Variants in CYYR1 observed in about 807,000 individuals in gnomAD.
CYYR1 encodes cysteine and tyrosine rich 1, also known as cysteine and tyrosine-rich protein 1.
A neutral mutation model predicts 15.2 loss-of-function variants in CYYR1; 14 were observed. The ratio of observed to expected loss-of-function variants is 0.92; its 90% confidence interval spans 0.61 to 1.44. The LOEUF (loss-of-function observed/expected upper bound fraction) is 1.44, where lower values mean the gene tolerates loss of function less well. Among genes scored for constraint, CYYR1 ranks in the 40% most tolerant of loss-of-function variants. The pLI is 0.00. For synonymous variants in CYYR1, 80 were observed against 77.4 expected, an observed-to-expected ratio of 1.03 and a Z score of -0.18; for missense variants, 228 against 209.5, an observed-to-expected ratio of 1.09 and a Z score of -0.54.
At chr21:26,555,191 C>A (rs1434092138) in intron 2 of CYYR1, among the ~76,000 whole-genome samples, 1 of 152,114 alleles carries the variant, frequency 6.6e-6, no homozygotes, top group Non-Finnish European at 1.5e-5. Context: ...TTCTACTTGG[C>A]AAAAGCCAAG....
At chr21:26,536,431 T>C (rs563656219) in intron 2 of CYYR1, among the ~76,000 whole-genome samples, 8 of 152,262 alleles carry the variant, frequency 5.3e-5, no homozygotes, top group East Asian at 1.9e-4. Flanking sequence ...GGAGGTGATG[T>C]CAAATTATAA....
In CYYR1 at chr21:26,549,755, T is replaced by C. The variant is rs1169032850; in HGVS notation, c.176+16511A>G. Among the ~76,000 whole-genome samples the C allele has an allele frequency of 3.9e-5, 6 of 152,262 alleles. No homozygotes were observed. The East Asian group carries it at 1.2e-3, about 29-fold the overall frequency. Reference sequence around the variant, plus strand: ...GTCAAGCTTTTGAATGATTTAGAATTACAGTAAAGTCAATCTAAGCTTCCA... The same window carrying C: ...GTCAAGCTTTTGAATGATTTAGAATCACAGTAAAGTCAATCTAAGCTTCCA... On this transcript the variant is annotated intron_variant, in intron 2 of 3. Transcript: ENST00000652641.
At chr21:26,554,124 A>C (rs528227400) in intron 2 of CYYR1, among the ~76,000 whole-genome samples, 30 of 152,288 alleles carry the variant, frequency 2.0e-4, no homozygotes, top group African/African-American at 7.2e-4. Flanking sequence ...CAATTTTTTA[A>C]AGAGCTTAAT....
intron 2 of CYYR1, among the ~76,000 whole-genome samples, chr21:26,505,757 C>T (rs1481090591): frequency 1.3e-5 from 2 of 152,124 alleles, no homozygotes; most frequent in African/African-American, 2.4e-5. Flanking sequence ...GTTTACATAA[C>T]ACCATACAAA....
chr21:26,526,491 A>G (rs1329704007), intron 2 of CYYR1, among the ~76,000 whole-genome samples: 2 of 152,182 alleles, frequency 1.3e-5, no homozygotes, highest in African/African-American at 2.4e-5. Flanking sequence ...AAAATTAACC[A>G]TTTTACAAAA....
At chr21:26,496,491 C>T (rs529745796) in intron 2 of CYYR1, among the ~76,000 whole-genome samples, 1 of 152,178 alleles carries the variant, frequency 6.6e-6, no homozygotes, top group South Asian at 2.1e-4. Flanking sequence ...CTACAAAATG[C>T]ATTTAAAATA....
rs1981112980 is a variant in CYYR1 at position 26,573,023 on chromosome 21, G to A, written c.-83C>T. On this transcript the variant is annotated 5_prime_UTR_variant, in exon 1 of 4. Coordinates refer to ENST00000652641, the MANE Select transcript of CYYR1 (RefSeq NM_001320768.2). ...GGAGGATGGAGGGCGATCAGATGGA[G>A]AGAGCAGCGCTCCTGAGAGCCGGGT... 1 of 1,608,676 alleles carries A rather than the reference G, an allele frequency of 6.2e-7. No individual in the cohort carries two copies. The highest frequency in any genetic ancestry group is 8.5e-7 in the Non-Finnish European group (1 of 1,177,684).
Position 26,543,837 on chromosome 21 carries a change from C to T in CYYR1, c.176+22429G>A, listed in dbSNP as rs982532636. ...AGGAGAATTGCTTGAACCCGGGAGG[C>T]GGAGTTTGCAGTGAACCGAAATCAC... On this transcript the variant is annotated intron_variant, in intron 2 of 3. Coordinates refer to ENST00000652641, the MANE Select transcript of CYYR1 (RefSeq NM_001320768.2). 3.3e-5 allele frequency among the ~76,000 whole-genome samples: 5 copies of T among 152,118 alleles called. No homozygotes were observed. In the East Asian group the frequency reaches 7.7e-4, roughly 24 times the overall value.
At chr21:26,555,034 A>G (rs1979669718) in intron 2 of CYYR1, among the ~76,000 whole-genome samples, 1 of 152,172 alleles carries the variant, frequency 6.6e-6, no homozygotes, top group Admixed American at 6.6e-5. Flanking sequence ...ACATGAACAA[A>G]CTGAGGCTCG....
chr21:26,469,989 G>T (rs924836998), intron 3 of CYYR1, among the ~76,000 whole-genome samples: 2 of 152,078 alleles, frequency 1.3e-5, no homozygotes, highest in Non-Finnish European at 2.9e-5. Context: ...CTGATGAACT[G>T]CCAGTAGCTG....
chr21:26,466,860 A>T lies in CYYR1; in HGVS notation c.*1641T>A, dbSNP rs2064974114. The T allele has an allele frequency of 6.6e-6, 1 of 152,216 alleles. No homozygotes were observed. The highest frequency in any genetic ancestry group is 1.5e-5 in the Non-Finnish European group (1 of 68,032). 9.4% of individuals were successfully genotyped at this position (152,216 alleles called of 1,614,324 possible). ...TTGCATCCTCATATATAAGAAAATC[A>T]TCAGTGCTTAAAGATCAAGGAACTC... On this transcript the variant is annotated 3_prime_UTR_variant, in exon 4 of 4. Transcript: ENST00000652641.
chr21:26,505,978 T>C (rs781351192), intron 2 of CYYR1, among the ~76,000 whole-genome samples: 24 of 152,172 alleles, frequency 1.6e-4, no homozygotes, highest in East Asian at 7.7e-4. Flanking sequence ...CAGTACAATA[T>C]ATACATATTA....
intron 2 of CYYR1, among the ~76,000 whole-genome samples, chr21:26,524,439 GA>G (rs377250362): frequency 3.8e-4 from 58 of 152,196 alleles, no homozygotes; most frequent in African/African-American, 1.4e-3. Flanking sequence ...TGGAAAGCAG[GA>G]AAATATATTT....
chr21:26,546,116 C>T (rs1300761700), intron 2 of CYYR1, among the ~76,000 whole-genome samples: 1 of 152,120 alleles, frequency 6.6e-6, no homozygotes, highest in Non-Finnish European at 1.5e-5. Context: ...CATAGTATGT[C>T]CTCTAACATG....
intron 2 of CYYR1, among the ~76,000 whole-genome samples, chr21:26,492,204 T>G (rs183034289): frequency 5.3e-5 from 8 of 152,236 alleles, no homozygotes; most frequent in Non-Finnish European, 1.2e-4. Context: ...CCAAAGAGTT[T>G]CTGAGTTTTA....
chr21:26,473,295 T>A (rs1358765207), intron 3 of CYYR1, among the ~76,000 whole-genome samples: 2 of 151,970 alleles, frequency 1.3e-5, no homozygotes, highest in Non-Finnish European at 2.9e-5. Flanking sequence ...ACAGAGAGTT[T>A]AAATAAAGGC....
chr21:26,524,182 C>T (rs116810015), intron 2 of CYYR1, among the ~76,000 whole-genome samples: 18 of 152,212 alleles, frequency 1.2e-4, no homozygotes, highest in African/African-American at 3.6e-4. Context: ...TATTAGAGCT[C>T]GAACCATGTA....
chr21:26,561,337 A>G (rs978043598), intron 2 of CYYR1, among the ~76,000 whole-genome samples: 11 of 151,412 alleles, frequency 7.3e-5, no homozygotes, highest in African/African-American at 2.7e-4. Context: ...TACTAATGCC[A>G]AAGGCCTTTT....
intron 2 of CYYR1, among the ~76,000 whole-genome samples, chr21:26,527,650 T>C (rs2065884245): frequency 6.6e-6 from 1 of 152,300 alleles, no homozygotes; most frequent in Non-Finnish European, 1.5e-5. Context: ...TGCCTGAATA[T>C]GGCCAGATGA....
Sources: gnomAD v4.1 joint callset for allele counts (sites outside exome capture counted in the v4.1 genomes callset) on GRCh38, gnomAD v4.1.1 for gene constraint, MANE v1.5 for transcripts, NCBI Gene and HGNC (gene_info 2026-07-23, HGNC 2026-07-21) for gene names.